The following EVL variants were observed in gnomAD, a reference collection of about 807,000 sequenced individuals.
The protein encoded by EVL is Enah/Vasp-like.
In EVL, 21 loss-of-function variants were observed where a neutral mutation model predicts 59.6. The ratio of observed to expected loss-of-function variants is 0.35; its 90% CI spans 0.25 to 0.51. The LOEUF (loss-of-function observed/expected upper bound fraction) is 0.51, where lower values mean the gene tolerates loss of function less well. Ranked by LOEUF, EVL falls within the 20% of genes least tolerant of loss-of-function variation. EVL has a pLI of 0.97. For missense variants in EVL, 462 were observed against 546.6 expected, an observed-to-expected ratio of 0.85 and a Z score of 1.54; for synonymous variants, 198 against 203.5, an observed-to-expected ratio of 0.97 and a Z score of 0.23.
intron 1 of EVL, among the ~76,000 whole-genome samples, chr14:100,034,253 A>G (rs1336310453): frequency 1.3e-5 from 2 of 151,438 alleles, no homozygotes; most frequent in African/African-American, 4.9e-5. Flanking sequence ...AAAAAAAAGA[A>G]AAAGAAAAGA....
chr14:100,032,719 C>T (rs2061332329), intron 1 of EVL, among the ~76,000 whole-genome samples: 2 of 152,134 alleles, frequency 1.3e-5, no homozygotes, highest in Admixed American at 1.3e-4. Context: ...AGTATTTCTT[C>T]AGGAAGCCTT....
At chr14:100,078,561 A>T (rs2062217247) in intron 1 of EVL, among the ~76,000 whole-genome samples, 3 of 95,316 alleles carry the variant, frequency 3.1e-5, no homozygotes, top group East Asian at 3.2e-4. Context: ...GGGGGCTTGG[A>T]GAGTGACGGC....
intron 1 of EVL, among the ~76,000 whole-genome samples, chr14:100,081,053 G>A (rs2062291221): frequency 6.6e-6 from 1 of 152,162 alleles, no homozygotes; most frequent in South Asian, 2.1e-4. Flanking sequence ...ACCAAGATGG[G>A]AGGATCACTT....
At chr14:100,070,893 T>C (rs1454201328) in intron 1 of EVL, among the ~76,000 whole-genome samples, 1 of 152,196 alleles carries the variant, frequency 6.6e-6, no homozygotes, top group African/African-American at 2.4e-5. Context: ...ATAAATGTTT[T>C]TGAGGTTTGA....
intron 1 of EVL, among the ~76,000 whole-genome samples, chr14:100,082,358 A>G (rs1178755232): frequency 1.3e-5 from 2 of 152,080 alleles, no homozygotes; most frequent in Non-Finnish European, 2.9e-5. Flanking sequence ...TAGGACCCAG[A>G]CTGATTAGTT....
intron 1 of EVL, among the ~76,000 whole-genome samples, chr14:100,030,332 C>T (rs1020214114): frequency 3.3e-5 from 5 of 151,908 alleles, no homozygotes; most frequent in African/African-American, 4.8e-5. Flanking sequence ...AAACTCCCGA[C>T]CTCAGGTGAT....
chr14:100,108,317 A>G lies in EVL; in HGVS notation c.358+10659A>G, dbSNP rs553387873. 6.6e-6 allele frequency among the ~76,000 whole-genome samples: 1 copy of G among 152,234 alleles called. No homozygotes were observed. The highest frequency in any genetic ancestry group is 2.1e-4 in the South Asian group (1 of 4,816). Reference sequence around the variant, plus strand: ...TTTTGCTTCTTGTAAACCTCTTTCCATTGGAAATTACCTCTTTCTCCCCTA... The same window carrying G: ...TTTTGCTTCTTGTAAACCTCTTTCCGTTGGAAATTACCTCTTTCTCCCCTA... On this transcript the variant is annotated intron_variant, in intron 3 of 13. Coordinates refer to ENST00000392920, the MANE Select transcript of EVL (RefSeq NM_016337.3). The surrounding 1 kb of genome is among the most constrained non-coding windows in gnomAD (Gnocchi z 4.1).
chr14:100,060,153 G>T (rs189934437), intron 1 of EVL, among the ~76,000 whole-genome samples: 2 of 151,376 alleles, frequency 1.3e-5, no homozygotes, highest in African/African-American at 4.9e-5. Flanking sequence ...GCCCAGTGCC[G>T]GGCGCGGTGG....
intron 1 of EVL, among the ~76,000 whole-genome samples, chr14:100,081,039 A>G (rs1201452708): frequency 1.3e-5 from 2 of 152,186 alleles, no homozygotes; most frequent in Non-Finnish European, 2.9e-5. Flanking sequence ...GAGAGACCAA[A>G]GAGACCAAGA....
At chr14:99,983,424 A>G (rs952894344) in intron 1 of EVL, among the ~76,000 whole-genome samples, 5 of 152,208 alleles carry the variant, frequency 3.3e-5, no homozygotes, top group African/African-American at 1.2e-4. Context: ...CTCCTTGGGT[A>G]ATAAAGGAGA....
At chr14:100,077,577 C>T (rs1474942708) in intron 1 of EVL, among the ~76,000 whole-genome samples, 2 of 152,088 alleles carry the variant, frequency 1.3e-5, no homozygotes, top group Non-Finnish European at 2.9e-5. Flanking sequence ...GATGACAGAG[C>T]CCATGAGGAG....
chr14:100,030,506 A>G (rs1200832711), intron 1 of EVL, among the ~76,000 whole-genome samples: 4 of 152,230 alleles, frequency 2.6e-5, no homozygotes, highest in Non-Finnish European at 5.9e-5. Context: ...TAGAAATTGC[A>G]TGGGAGCCAG....
At chr14:100,055,451 T>A (rs1279406478) in intron 1 of EVL, among the ~76,000 whole-genome samples, 1 of 152,208 alleles carries the variant, frequency 6.6e-6, no homozygotes, top group Non-Finnish European at 1.5e-5. Flanking sequence ...TTTGCTAGAA[T>A]ATATACAGTA....
intron 3 of EVL, among the ~76,000 whole-genome samples, chr14:100,113,968 C>T (rs962998355): frequency 5.9e-5 from 9 of 152,208 alleles, no homozygotes; most frequent in Non-Finnish European, 8.8e-5. Context: ...CCTGGAAGAC[C>T]AGTGCTTTCC....
intron 1 of EVL, among the ~76,000 whole-genome samples, chr14:100,003,965 G>T (rs1307190222): frequency 6.6e-6 from 1 of 152,122 alleles, no homozygotes; most frequent in Admixed American, 6.5e-5. Context: ...AGCACTTTGG[G>T]AGGCCGAGGC....
At chr14:100,087,155 C>T (rs566395988) in intron 2 of EVL, among the ~76,000 whole-genome samples, 2 of 152,260 alleles carry the variant, frequency 1.3e-5, no homozygotes, top group East Asian at 3.9e-4. Context: ...GATAATGGTA[C>T]AAGAATTATC....
upstream of EVL, among the ~76,000 whole-genome samples, chr14:100,063,676 G>A (rs966486558): frequency 4.6e-5 from 7 of 152,186 alleles, no homozygotes; most frequent in African/African-American, 1.2e-4. Flanking sequence ...TAACAAGGAC[G>A]TAGACGTTCT....
At chr14:100,012,661 G>A (rs2061024063) in intron 1 of EVL, among the ~76,000 whole-genome samples, 1 of 152,128 alleles carries the variant, frequency 6.6e-6, no homozygotes, top group Non-Finnish European at 1.5e-5. Context: ...GCCAGGCCTG[G>A]GGAAAGAATG....
intron 3 of EVL, among the ~76,000 whole-genome samples, chr14:100,100,578 TTTTG>T (rs1307242623): frequency 6.6e-6 from 1 of 152,076 alleles, no homozygotes; most frequent in East Asian, 1.9e-4. Flanking sequence ...CGAAGTCCAC[TTTTG>T]TTTTTGTTTT....
Sources: allele counts gnomAD v4.1 joint callset (sites outside exome capture counted in the v4.1 genomes callset), GRCh38; gene constraint gnomAD v4.1.1; non-coding constraint Gnocchi (gnomAD v3.1); transcripts MANE v1.5; gene names NCBI Gene and HGNC (gene_info 2026-07-23, HGNC 2026-07-21).